DPP6: variants seen among roughly 807,000 people sequenced by gnomAD.
The protein encoded by DPP6 is A-type potassium channel modulatory protein DPP6.
A neutral mutation model predicts 122.6 loss-of-function variants in DPP6; 69 were observed. The observed-to-expected ratio is 0.56, with a 90% CI of 0.46 to 0.69. The LOEUF is 0.69. Among genes scored for constraint, DPP6 ranks in the 30% least tolerant of loss-of-function variants. DPP6 has a pLI of 0.00. For synonymous variants in DPP6, 418 were observed against 433.1 expected, an observed-to-expected ratio of 0.97 and a Z score of 0.43; for missense variants, 928 against 1,116.9, an observed-to-expected ratio of 0.83 and a Z score of 2.41.
intron 3 of DPP6, among the ~76,000 whole-genome samples, chr7:154,500,847 G>A (rs182851739): frequency 6.6e-6 from 1 of 152,346 alleles, no homozygotes; most frequent in East Asian, 1.9e-4. Context: ...GTAACAGGCA[G>A]AGGTTGGAAC....
chr7:154,062,296 C>CG (rs1191426306), intron 1 of DPP6, among the ~76,000 whole-genome samples: 1 of 82,084 alleles, frequency 1.2e-5, no homozygotes, highest in African/African-American at 5.2e-5. Context: ...CCCTCTTCCC[C>CG]CCCGGCTCTG....
intron 1 of DPP6, among the ~76,000 whole-genome samples, chr7:154,373,453 G>A (rs1812847949): frequency 6.6e-6 from 1 of 152,190 alleles, no homozygotes; most frequent in African/African-American, 2.4e-5. Flanking sequence ...CCGCTGAGGT[G>A]CATTTCACAG....
chr7:154,266,315 A>T (rs551024695), intron 1 of DPP6, among the ~76,000 whole-genome samples: 1 of 152,292 alleles, frequency 6.6e-6, no homozygotes, highest in South Asian at 2.1e-4. Context: ...AGGAAGGGTT[A>T]CAGTCTTATT....
the DPP6 span, among the ~76,000 whole-genome samples, chr7:153,776,206 AAGGGT>A: frequency 4.2e-3 from 637 of 152,240 alleles, 10 homozygotes; most frequent in African/African-American, 0.014. Context: ...GGTATTGCCA[AAGGGT>A]AGTGATATGG....
At chr7:154,305,475 G>C in intron 1 of DPP6, 1 of 1,583,560 alleles carries the variant, frequency 6.3e-7, no homozygotes, top group South Asian at 1.2e-5. Flanking sequence ...CCCCGGTGGT[G>C]GGAAGCGCCT....
intron 1 of DPP6, among the ~76,000 whole-genome samples, chr7:154,343,298 G>A (rs1318748277): frequency 5.3e-5 from 8 of 152,194 alleles, no homozygotes; most frequent in Non-Finnish European, 7.3e-5. Flanking sequence ...GCTAATCAGC[G>A]GTGGAGCGAA....
intron 7 of DPP6, among the ~76,000 whole-genome samples, chr7:154,717,011 T>C (rs1841526263): frequency 6.6e-6 from 1 of 152,158 alleles, no homozygotes; most frequent in Admixed American, 6.5e-5. Context: ...TTTTGTATTT[T>C]TAGTAGAGAC....
intron 1 of DPP6, among the ~76,000 whole-genome samples, chr7:154,146,602 T>C (rs538361036): frequency 1.6e-3 from 250 of 152,370 alleles, no homozygotes; most frequent in Middle Eastern, 0.014. Flanking sequence ...TGGAGGGCAA[T>C]TGTCTGGCTC....
Position 154,821,653 on chromosome 7 carries a change from T to TATATATATATATATACAC in DPP6, c.1666+14552_1666+14553insTATACACATATATATATA, listed in dbSNP as rs1799785478. Among the ~76,000 whole-genome samples the TATATATATATATATACAC allele has an allele frequency of 4.7e-5, 5 of 107,094 alleles. No homozygotes were observed. Among genetic ancestry groups the TATATATATATATATACAC allele is most frequent in the East Asian group, 2.3e-4 (1 of 4,318 alleles). The allele number at this position is 107,094 out of a possible 152,430, so 70.3% of individuals were successfully genotyped here. A position where few individuals can be genotyped will look rare whatever the true frequency, so the allele number is the denominator to read the frequency against. On this transcript the variant is annotated intron_variant, in intron 16 of 25. Transcript: ENST00000377770. The surrounding 1 kb of genome is among the most constrained non-coding windows in gnomAD (Gnocchi z 4.2). Reference sequence around the variant, plus strand: ...GTATATATATATATATATACACATATATATATATATACACATATATATATA... The same window carrying TATATATATATATATACAC: ...GTATATATATATATATATACACATATATATATATATATATACACATATATATATACACATATATATATA...
At chr7:154,387,905 T>C (rs896968717) in intron 1 of DPP6, among the ~76,000 whole-genome samples, 9 of 151,314 alleles carry the variant, frequency 5.9e-5, no homozygotes, top group African/African-American at 2.2e-4. Flanking sequence ...ATCTCATGTG[T>C]CTGGAAGGTC....
At chr7:154,434,734 T>A (rs918162449) in intron 1 of DPP6, among the ~76,000 whole-genome samples, 2 of 152,206 alleles carry the variant, frequency 1.3e-5, no homozygotes, top group Non-Finnish European at 2.9e-5. Context: ...CTCTTCCACG[T>A]TTTTGATCAG....
intron 1 of DPP6, among the ~76,000 whole-genome samples, chr7:153,998,853 G>C (rs1428222526): frequency 1.3e-5 from 2 of 152,210 alleles, no homozygotes; most frequent in African/African-American, 4.8e-5. Flanking sequence ...AAAGTGCTAA[G>C]TAGTGATCTT....
At chr7:154,521,184 A>T (rs1826946767) in intron 3 of DPP6, among the ~76,000 whole-genome samples, 1 of 152,216 alleles carries the variant, frequency 6.6e-6, no homozygotes, top group African/African-American at 2.4e-5. Context: ...CTTGGCTGAT[A>T]ACACATTTCT....
At chr7:153,842,722 T>C in the DPP6 span, among the ~76,000 whole-genome samples, 38 of 152,320 alleles carry the variant, frequency 2.5e-4, no homozygotes, top group African/African-American at 8.9e-4. Flanking sequence ...AGTAATGATT[T>C]CTTCACTGAT....
At chr7:154,019,154 G>C (rs1798570505) in intron 1 of DPP6, among the ~76,000 whole-genome samples, 2 of 152,000 alleles carry the variant, frequency 1.3e-5, no homozygotes, top group African/African-American at 4.8e-5. Context: ...GTCTATTCTG[G>C]CTACAAACCT....
At chr7:154,291,491 A>G (rs73491228) in intron 1 of DPP6, among the ~76,000 whole-genome samples, 21,906 of 151,964 alleles carry the variant, frequency 0.14, 2,257 homozygotes, top group African/African-American at 0.29. Context: ...TTCCATGCTC[A>G]CTCACGGCTT....
chr7:154,027,755 G>A (rs1482173919), intron 1 of DPP6, among the ~76,000 whole-genome samples: 7 of 151,712 alleles, frequency 4.6e-5, no homozygotes, highest in African/African-American at 1.7e-4. Flanking sequence ...ATCTGGGCAG[G>A]TGGTTTGTCC....
chr7:154,778,189 A>C (rs559933853), intron 10 of DPP6, among the ~76,000 whole-genome samples: 55 of 152,168 alleles, frequency 3.6e-4, no homozygotes, highest in Non-Finnish European at 6.9e-4. Context: ...GATAAGCTAC[A>C]GGATAGAAAC....
chr7:153,919,478 C>CT (rs1274268383), intron 1 of DPP6, among the ~76,000 whole-genome samples: 3 of 152,144 alleles, frequency 2.0e-5, no homozygotes, highest in African/African-American at 7.2e-5. Context: ...ACACTAAACT[C>CT]TACCTCTGCC....
Sources: allele counts gnomAD v4.1 joint callset (sites outside exome capture counted in the v4.1 genomes callset), GRCh38; gene constraint gnomAD v4.1.1; non-coding constraint Gnocchi (gnomAD v3.1); transcripts MANE v1.5; gene names NCBI Gene and HGNC (gene_info 2026-07-23, HGNC 2026-07-21).